Variants in RIT2 observed in about 807,000 individuals in gnomAD.
RIT2 encodes Ras like without CAAX 2.
A neutral mutation model predicts 23.7 loss-of-function variants in RIT2; 24 were observed. The observed-to-expected ratio is 1.01, with a 90% confidence interval of 0.73 to 1.43. The LOEUF (loss-of-function observed/expected upper bound fraction) is 1.43. RIT2 is among the 40% of genes most tolerant of loss of function. The pLI is 0.00. For synonymous variants in RIT2, 107 were observed against 91.1 expected (o/e 1.17, Z -0.99); for missense variants, 236 against 266.9 (o/e 0.88, Z 0.81).
chr18:42,748,311 C>G (rs1422815027), intron 4 of RIT2, among the ~76,000 whole-genome samples: 1 of 151,738 alleles, frequency 6.6e-6, no homozygotes, highest in Non-Finnish European at 1.5e-5. Context: ...AGAAGATACA[C>G]AAATGACCAA....
intron 3 of RIT2, among the ~76,000 whole-genome samples, chr18:42,925,113 TCA>T (rs996826491): frequency 6.6e-6 from 1 of 152,092 alleles, no homozygotes; most frequent in Non-Finnish European, 1.5e-5. Context: ...GTTACCTGAC[TCA>T]CACTGTATCA....
chr18:42,866,942 A>G (rs1372165252), intron 4 of RIT2, among the ~76,000 whole-genome samples: 1 of 152,172 alleles, frequency 6.6e-6, no homozygotes, highest in African/African-American at 2.4e-5. Flanking sequence ...ACCAAAGGGC[A>G]CTTACTAATT....
At chr18:42,897,175 A>G (rs1908352541) in intron 4 of RIT2, among the ~76,000 whole-genome samples, 1 of 152,204 alleles carries the variant, frequency 6.6e-6, no homozygotes, top group South Asian at 2.1e-4. Context: ...TATATAAAAT[A>G]CCTGATAACT....
At chr18:43,067,011 C>G (rs553670118) in intron 1 of RIT2, among the ~76,000 whole-genome samples, 4 of 151,620 alleles carry the variant, frequency 2.6e-5, no homozygotes, top group Admixed American at 6.6e-5. Flanking sequence ...GAAGACATGA[C>G]ATAGTTGACT....
intron 4 of RIT2, among the ~76,000 whole-genome samples, chr18:42,817,236 C>T (rs895123903): frequency 2.8e-4 from 42 of 152,102 alleles, no homozygotes; most frequent in African/African-American, 1.0e-3. Context: ...ATTTGATTCA[C>T]TGTGTTCTCA....
chr18:42,865,210 G>A (rs1405763837), intron 4 of RIT2, among the ~76,000 whole-genome samples: 1 of 152,174 alleles, frequency 6.6e-6, no homozygotes, highest in Non-Finnish European at 1.5e-5. Context: ...TCCAGTGCAA[G>A]TTTTGATGAC....
intron 4 of RIT2, among the ~76,000 whole-genome samples, chr18:42,807,604 C>T (rs1422137216): frequency 6.6e-6 from 1 of 151,884 alleles, no homozygotes; most frequent in Admixed American, 6.6e-5. Flanking sequence ...GTGGCAAGAG[C>T]GAAACTCCGT....
intron 4 of RIT2, among the ~76,000 whole-genome samples, chr18:42,874,456 G>A (rs1907695779): frequency 6.6e-6 from 1 of 152,102 alleles, no homozygotes; most frequent in Admixed American, 6.6e-5. Flanking sequence ...GACTGACATG[G>A]AAATCTTTAC....
At chr18:42,897,718 T>C (rs111446524) in intron 4 of RIT2, among the ~76,000 whole-genome samples, 19 of 152,106 alleles carry the variant, frequency 1.2e-4, no homozygotes, top group African/African-American at 4.3e-4. Flanking sequence ...TAAAACTCAA[T>C]AGATATAAAT....
chr18:43,107,444 C>T (rs147388346), intron 1 of RIT2, among the ~76,000 whole-genome samples: 314 of 152,256 alleles, frequency 2.1e-3, no homozygotes, highest in African/African-American at 7.3e-3. Context: ...CGCATACACA[C>T]ACAAACACTC....
chr18:42,929,059 T>TATATA (rs1307173363), intron 3 of RIT2, among the ~76,000 whole-genome samples: 18 of 50,240 alleles, frequency 3.6e-4, no homozygotes, highest in South Asian at 2.9e-3. Flanking sequence ...ATATATATAT[T>TATATA]TATATGAGAC....
intron 4 of RIT2, among the ~76,000 whole-genome samples, chr18:42,745,031 A>G (rs1912885643): frequency 6.6e-6 from 1 of 152,190 alleles, no homozygotes; most frequent in Admixed American, 6.6e-5. Context: ...GAAGTATTAG[A>G]AGAGTTTAAA....
At chr18:42,950,754 T>TA (rs60470540) in intron 3 of RIT2, among the ~76,000 whole-genome samples, 13 of 149,846 alleles carry the variant, frequency 8.7e-5, no homozygotes, top group South Asian at 6.3e-4. Flanking sequence ...AACAGACATT[T>TA]AAAAAAAAAT....
chr18:43,097,359 A>G (rs1913578361), intron 1 of RIT2, among the ~76,000 whole-genome samples: 1 of 151,936 alleles, frequency 6.6e-6, no homozygotes, highest in East Asian at 1.9e-4. Context: ...TACACAGAGG[A>G]GGTTAAATAT....
At chr18:42,773,081 A>G (rs1278087838) in intron 4 of RIT2, among the ~76,000 whole-genome samples, 1 of 152,210 alleles carries the variant, frequency 6.6e-6, no homozygotes, top group Non-Finnish European at 1.5e-5. Flanking sequence ...TCTTCATCCA[A>G]GGAAAAATAA....
rs114920969 is a variant in RIT2, at chr18:43,024,354, A to G, written c.160+9457T>C. Among the ~76,000 whole-genome samples the G allele has an allele frequency of 3.5e-3, 530 of 152,248 alleles. 9 individuals carry two copies. The highest frequency in any genetic ancestry group is 0.012 in the African/African-American group (514 of 41,556). ...GGTGCTGAAAAAACTGGATTGTCAT[A>G]TGCAGAATAATGAAACTGGACCCCT... On this transcript the variant is annotated intron_variant, in intron 2 of 4. Transcript: ENST00000326695.
chr18:43,072,229 ACCCAC>A (rs1346917130), intron 1 of RIT2, among the ~76,000 whole-genome samples: 1 of 151,862 alleles, frequency 6.6e-6, no homozygotes, highest in Admixed American at 6.6e-5. Context: ...CAGGTGATTC[ACCCAC>A]CTCAGCCTCC....
chr18:43,013,887 C>T (rs2144257482), intron 2 of RIT2, among the ~76,000 whole-genome samples: 1 of 151,842 alleles, frequency 6.6e-6, no homozygotes, highest in African/African-American at 2.4e-5. Flanking sequence ...TTATGGTTCC[C>T]CAGCTCTACG....
intron 2 of RIT2, among the ~76,000 whole-genome samples, chr18:42,999,536 G>A (rs1911058509): frequency 1.3e-5 from 2 of 152,160 alleles, no homozygotes; most frequent in Admixed American, 6.6e-5. Flanking sequence ...AAAAGAGGTT[G>A]TTTCCACTGG....
Sources: gnomAD v4.1 joint callset for allele counts (sites outside exome capture counted in the v4.1 genomes callset) on GRCh38, gnomAD v4.1.1 for gene constraint, MANE v1.5 for transcripts, NCBI Gene and HGNC (gene_info 2026-07-23, HGNC 2026-07-21) for gene names.